The following HP1BP3 variants were observed in gnomAD, a reference collection of about 807,000 sequenced individuals.
The protein encoded by HP1BP3 is heterochromatin protein 1-binding protein 3.
Under a neutral mutation model 62.5 loss-of-function variants are expected in HP1BP3, and 12 were observed. That is an observed-to-expected ratio of 0.19 (90% confidence interval 0.12 to 0.31). HP1BP3 has a LOEUF of 0.31. Among genes scored for constraint, HP1BP3 ranks in the 10% least tolerant of loss-of-function variants. The pLI is 1.00. For missense variants in HP1BP3, 502 were observed against 651.8 expected, an observed-to-expected ratio of 0.77 and a Z score of 2.50; for synonymous variants, 260 against 237.8, an observed-to-expected ratio of 1.09 and a Z score of -0.86.
chr1:20,758,695 G>A (rs986659972), intron 8 of HP1BP3, among the ~76,000 whole-genome samples: 11 of 149,898 alleles, frequency 7.3e-5, no homozygotes, highest in Admixed American at 3.3e-4. Context: ...ACTCTGGATG[G>A]AGTGCAGTGG....
rs1378726588 is a variant in HP1BP3, at chr1:20,743,301, T to C, written c.*1496A>G. On this transcript the variant is annotated 3_prime_UTR_variant, in exon 13 of 13. Coordinates refer to ENST00000438032, the MANE Select transcript of HP1BP3 (RefSeq NM_001372052.1). ...ATGATGTAACTCTCCAACATTTCCTTATAAAAAAGGCAAACAAGAAGTGAC... is the reference window on the plus strand; with the variant it reads ...ATGATGTAACTCTCCAACATTTCCTCATAAAAAAGGCAAACAAGAAGTGAC... 6.6e-6 allele frequency: 1 copy of C among 152,534 alleles called. No individual in the cohort carries two copies. Among genetic ancestry groups the C allele is most frequent in the Non-Finnish European group, 1.5e-5 (1 of 68,028 alleles). 9.4% of individuals were successfully genotyped at this position (152,534 alleles called of 1,614,324 possible).
At chr1:20,761,882 T>C (rs1385527992) in intron 8 of HP1BP3, among the ~76,000 whole-genome samples, 1 of 152,128 alleles carries the variant, frequency 6.6e-6, no homozygotes, top group Non-Finnish European at 1.5e-5. Flanking sequence ...TTCAAGCAGG[T>C]AGGAGTCATC....
chr1:20,784,684 G>C (rs184040937), intron 1 of HP1BP3, among the ~76,000 whole-genome samples: 35 of 152,098 alleles, frequency 2.3e-4, no homozygotes, highest in Admixed American at 2.2e-3. Context: ...CACCGTGTTA[G>C]CCAGGATGGT....
At chr1:20,750,361 AC>A (rs1464707425) in intron 9 of HP1BP3, 2 of 64,752 alleles carry the variant, frequency 3.1e-5, no homozygotes, top group Middle Eastern at 6.8e-3. Context: ...ACACACACAC[AC>A]ACACACACAC....
chr1:20,764,164 A>G (rs766655183), intron 8 of HP1BP3, among the ~76,000 whole-genome samples: 8 of 152,208 alleles, frequency 5.3e-5, no homozygotes, highest in Non-Finnish European at 1.2e-4. Flanking sequence ...AGAAATTGAA[A>G]TAGTATTTTC....
At chr1:20,783,876 T>A (rs904738281) in intron 1 of HP1BP3, among the ~76,000 whole-genome samples, 1 of 152,136 alleles carries the variant, frequency 6.6e-6, no homozygotes, top group Non-Finnish European at 1.5e-5. Context: ...AGTACCTGCT[T>A]TAGAATAGTT....
rs753079324 is a variant in HP1BP3, at chr1:20,771,878, T to C, written c.511-805A>G. Among the ~76,000 whole-genome samples the C allele has an allele frequency of 1.3e-4, 20 of 152,228 alleles. 1 individual carries two copies. Among genetic ancestry groups the C allele is most frequent in the Non-Finnish European group, 2.6e-4 (18 of 68,030 alleles). On this transcript the variant is annotated intron_variant, in intron 5 of 12. Transcript: ENST00000438032. Reference sequence around the variant, plus strand: ...TGCCACAGTGTCTATTAAATCAATGTAGCACTTATTCATTCTCATTGGATA... The same window carrying C: ...TGCCACAGTGTCTATTAAATCAATGCAGCACTTATTCATTCTCATTGGATA...
At chr1:20,745,183 A>G in intron 12 of HP1BP3, 92 bp from the exon 13 acceptor site, 1 of 1,386,758 alleles carries the variant, frequency 7.2e-7, no homozygotes, top group Non-Finnish European at 9.8e-7. Flanking sequence ...GAAACGGCAT[A>G]TGAAGTGGTC....
intron 6 of HP1BP3, among the ~76,000 whole-genome samples, chr1:20,770,538 C>T (rs1373879987): frequency 6.6e-6 from 1 of 152,052 alleles, no homozygotes; most frequent in African/African-American, 2.4e-5. Context: ...TGGTCTCGAA[C>T]TCCTGGGCTC....
At position 20,743,830 on chromosome 1, in the gene HP1BP3, G is replaced by A. The variant is rs2055158074; in HGVS notation, c.*967C>T. On this transcript the variant is annotated 3_prime_UTR_variant, in exon 13 of 13. Transcript: ENST00000438032. ...CTCCTGTAATCCCAGCACTTTGGGA[G>A]GCCGAGGCAGGCGGATCACCTGAGG... 6.6e-6 allele frequency: 1 copy of A among 152,158 alleles called. No homozygotes were observed. The highest frequency in any genetic ancestry group is 2.4e-5 in the African/African-American group (1 of 41,376). 9.4% of individuals were successfully genotyped at this position (152,158 alleles called of 1,614,324 possible).
At chr1:20,745,153 A>C in intron 12 of HP1BP3, 62 bp from the exon 13 acceptor site, 1 of 1,512,948 alleles carries the variant, frequency 6.6e-7, no homozygotes. Context: ...TTGTTGGGAC[A>C]ACCAGATGCT....
In HP1BP3 at chr1:20,741,366, G is replaced by T. The variant is rs557769085; in HGVS notation, c.*3431C>A. Among the ~76,000 whole-genome samples the T allele has an allele frequency of 3.9e-5, 6 of 152,282 alleles. No homozygotes were observed. The South Asian group carries it at 1.2e-3, about 32-fold the overall frequency. On this transcript the variant is annotated 3_prime_UTR_variant, in exon 13 of 13. Coordinates refer to ENST00000438032, the MANE Select transcript of HP1BP3 (RefSeq NM_001372052.1). ...TAAAGTAAGTATTAATTAAGAATTG[G>T]TTAGCAAACCTTGACAAGGGCTAAC...
intron 5 of HP1BP3, among the ~76,000 whole-genome samples, chr1:20,773,012 A>G (rs2057129684): frequency 6.6e-6 from 1 of 152,170 alleles, no homozygotes; most frequent in Non-Finnish European, 1.5e-5. Context: ...ACCTAGAGAT[A>G]TTTTTTAAAC....
chr1:20,782,256 T>C (rs1004880557), intron 1 of HP1BP3, among the ~76,000 whole-genome samples: 9 of 152,100 alleles, frequency 5.9e-5, no homozygotes, highest in Admixed American at 4.6e-4. Context: ...TAGTCAACAT[T>C]AGACTTGGTC....
At chr1:20,780,887 A>G (rs749336293) in intron 1 of HP1BP3, among the ~76,000 whole-genome samples, 5 of 152,246 alleles carry the variant, frequency 3.3e-5, no homozygotes, top group Non-Finnish European at 7.3e-5. Flanking sequence ...AGATCAGTTT[A>G]CCAAGAGAAG....
At chr1:20,753,932 T>C (rs2055934076) in intron 9 of HP1BP3, among the ~76,000 whole-genome samples, 1 of 152,204 alleles carries the variant, frequency 6.6e-6, no homozygotes. Context: ...ACTGAATGCT[T>C]TCTCTCCAGG....
At chr1:20,763,534 T>C (rs1570612463) in intron 8 of HP1BP3, among the ~76,000 whole-genome samples, 2 of 152,356 alleles carry the variant, frequency 1.3e-5, no homozygotes, top group East Asian at 3.9e-4. Context: ...TAAATACTGG[T>C]ACTACACTGT....
At chr1:20,779,279 G>GT (rs1344068082) in intron 3 of HP1BP3, among the ~76,000 whole-genome samples, 1 of 152,116 alleles carries the variant, frequency 6.6e-6, no homozygotes, top group Non-Finnish European at 1.5e-5. Context: ...AGAAGAGGTG[G>GT]TTATACATGC....
At chr1:20,755,758 T>C (rs752325095) in intron 9 of HP1BP3, among the ~76,000 whole-genome samples, 2 of 152,174 alleles carry the variant, frequency 1.3e-5, no homozygotes, top group Non-Finnish European at 2.9e-5. Context: ...CATCATCTCA[T>C]GAATGGATAA....
Sources: allele counts gnomAD v4.1 joint callset (sites outside exome capture counted in the v4.1 genomes callset), GRCh38; gene constraint gnomAD v4.1.1; transcripts MANE v1.5; gene names NCBI Gene and HGNC (gene_info 2026-07-23, HGNC 2026-07-21).